The following NLN variants were observed in gnomAD, a reference collection of about 807,000 sequenced individuals.
NLN encodes neurolysin, mitochondrial.
Under a neutral mutation model 79.9 loss-of-function variants are expected in NLN, and 64 were observed. That is an observed-to-expected ratio of 0.80 (90% CI 0.65 to 0.99). The LOEUF is 0.99. Among genes scored for constraint, NLN ranks in the 50% least tolerant of loss-of-function variants. NLN has a pLI of 0.00. For missense variants in NLN, 835 were observed against 858.7 expected (o/e 0.97, Z 0.34); for synonymous variants, 267 against 296.6 (o/e 0.90, Z 1.02).
At chr5:65,793,312 A>G (rs1369851623) in intron 9 of NLN, 1 of 157,328 alleles carries the variant, frequency 6.4e-6, no homozygotes, top group East Asian at 1.9e-4. Context: ...TTATTAACAT[A>G]TGAAAATGTC....
chr5:65,739,012 T>A lies in NLN; in HGVS notation c.41+16598T>A, dbSNP rs1357555111. On this transcript the variant is annotated intron_variant, in intron 1 of 12. Coordinates refer to ENST00000380985, the MANE Select transcript of NLN (RefSeq NM_020726.5). ...TTTATATATATTTTATAATATATAT[T>A]TATATATATAAATATATAATATATA... 1.9e-4 allele frequency among the ~76,000 whole-genome samples: 22 copies of A among 116,160 alleles called. No homozygotes were observed. The South Asian group carries it at 2.0e-3, about 10-fold the overall frequency. The allele number at this position is 116,160 out of a possible 152,430, so 76.2% of individuals were successfully genotyped here.
intron 9 of NLN, 50 bp from the exon 10 acceptor site, chr5:65,809,465 A>G (rs769998302): frequency 4.8e-6 from 7 of 1,453,818 alleles, no homozygotes; most frequent in Admixed American, 2.1e-5. Flanking sequence ...TTCATTGCAT[A>G]TGTACTTTCA....
intron 12 of NLN, among the ~76,000 whole-genome samples, chr5:65,815,378 T>C (rs945617176): frequency 1.3e-5 from 2 of 152,212 alleles, no homozygotes; most frequent in Admixed American, 6.5e-5. Flanking sequence ...CAGGCAGCCA[T>C]ACTACTCTTA....
At chr5:65,778,024 A>C (rs1326134157) in intron 4 of NLN, among the ~76,000 whole-genome samples, 1 of 152,120 alleles carries the variant, frequency 6.6e-6, no homozygotes, top group Non-Finnish European at 1.5e-5. Flanking sequence ...CCTGTTTTAC[A>C]TTCTTTAAGA....
At chr5:65,782,466 C>A (rs946011750) in intron 6 of NLN, among the ~76,000 whole-genome samples, 2 of 152,190 alleles carry the variant, frequency 1.3e-5, no homozygotes, top group Non-Finnish European at 2.9e-5. Context: ...GGTCATAGTT[C>A]TTAAACTTGC....
At chr5:65,771,584 C>A (rs1759566644) in intron 3 of NLN, among the ~76,000 whole-genome samples, 1 of 152,008 alleles carries the variant, frequency 6.6e-6, no homozygotes, top group African/African-American at 2.4e-5. Flanking sequence ...TTCATCTTAG[C>A]CAATTAGTGA....
At chr5:65,810,474 T>C (rs1760520146) in intron 11 of NLN, among the ~76,000 whole-genome samples, 1 of 152,216 alleles carries the variant, frequency 6.6e-6, no homozygotes, top group African/African-American at 2.4e-5. Flanking sequence ...CCTGTATGCA[T>C]CATGACTTCC....
chr5:65,747,908 G>A (rs1759019277), intron 1 of NLN, among the ~76,000 whole-genome samples: 1 of 152,108 alleles, frequency 6.6e-6, no homozygotes. Flanking sequence ...GCCTGCCAAA[G>A]TACAGCAGTC....
chr5:65,740,597 A>T (rs967404732), intron 1 of NLN, among the ~76,000 whole-genome samples: 1 of 151,950 alleles, frequency 6.6e-6, no homozygotes, highest in African/African-American at 2.4e-5. Context: ...TGTATATGGG[A>T]TGAGATGAGG....
intron 9 of NLN, among the ~76,000 whole-genome samples, chr5:65,807,580 A>G (rs1344708962): frequency 1.3e-5 from 2 of 151,938 alleles, no homozygotes; most frequent in African/African-American, 4.8e-5. Context: ...AGCTGGGATT[A>G]CAGGTGCCCG....
intron 11 of NLN, 34 bp downstream of exon 11, chr5:65,810,199 T>C (rs1379582444): frequency 6.2e-7 from 1 of 1,602,210 alleles, no homozygotes; most frequent in East Asian, 2.2e-5. Context: ...TTCATTTCTC[T>C]GTGAAGCACA....
chr5:65,750,360 G>A (rs1204067083), intron 1 of NLN, among the ~76,000 whole-genome samples: 2 of 152,292 alleles, frequency 1.3e-5, no homozygotes, highest in East Asian at 3.9e-4. Flanking sequence ...GACTGCACAG[G>A]TCTAGTGGAT....
At chr5:65,742,737 G>A (rs2561225) in intron 1 of NLN, among the ~76,000 whole-genome samples, 36,646 of 152,030 alleles carry the variant, frequency 0.24, 4,517 homozygotes, top group African/African-American at 0.27. Context: ...AAGAGCAGTC[G>A]AATTGTAGCA....
intron 1 of NLN, among the ~76,000 whole-genome samples, chr5:65,734,556 A>G (rs1165027050): frequency 6.7e-6 from 1 of 149,852 alleles, no homozygotes; most frequent in Non-Finnish European, 1.5e-5. Flanking sequence ...AAAAAAAAAG[A>G]AAGACTCTGC....
intron 9 of NLN, among the ~76,000 whole-genome samples, chr5:65,805,190 T>C (rs1288295747): frequency 1.3e-5 from 2 of 152,186 alleles, no homozygotes; most frequent in Admixed American, 1.3e-4. Flanking sequence ...TCTTTTGGCC[T>C]CCTATCTGAG....
At position 65,733,198 on chromosome 5, in the gene NLN, A is replaced by G; in HGVS notation, c.41+10784A>G. The G allele has an allele frequency of 2.0e-6, 3 of 1,511,342 alleles. No individual in the cohort carries two copies. The South Asian group carries it at 3.4e-5, about 17-fold the overall frequency. The allele number at this position is 1,511,342 out of a possible 1,614,324, so 93.6% of individuals were successfully genotyped here. ...TAGTAACCAAGCCTCAGTCAGCTAA[A>G]GGAGCTGCATCTGATTCATATCCTA... On this transcript the variant is annotated intron_variant, in intron 1 of 12. Transcript: ENST00000380985.
rs182171504 is a variant in NLN, at chr5:65,780,444, A to G, written c.661+163A>G. On this transcript the variant is annotated intron_variant, in intron 5 of 12. Coordinates refer to ENST00000380985, the MANE Select transcript of NLN (RefSeq NM_020726.5). Reference sequence around the variant, plus strand: ...GTCCACCACCCCTTCTACAGAAGAGACAATCAAACCAACCAAAATTAGATT... The same window carrying G: ...GTCCACCACCCCTTCTACAGAAGAGGCAATCAAACCAACCAAAATTAGATT... 3.4e-3 allele frequency among the ~76,000 whole-genome samples: 514 copies of G among 152,320 alleles called. 4 individuals are homozygous for G. The highest frequency in any genetic ancestry group is 0.011 in the African/African-American group (473 of 41,578).
At chr5:65,819,147 A>G (rs1474129061) in intron 12 of NLN, among the ~76,000 whole-genome samples, 3 of 152,100 alleles carry the variant, frequency 2.0e-5, no homozygotes, top group Admixed American at 1.3e-4. Context: ...CTTTAGCTTT[A>G]TTAGGAGATA....
chr5:65,800,465 G>T (rs1044954583), intron 9 of NLN, among the ~76,000 whole-genome samples: 5 of 152,188 alleles, frequency 3.3e-5, no homozygotes, highest in Admixed American at 2.0e-4. Context: ...CACGAGGTCA[G>T]GAGATCGAGA....
Sources: gnomAD v4.1 joint callset for allele counts (sites outside exome capture counted in the v4.1 genomes callset) on GRCh38, gnomAD v4.1.1 for gene constraint, MANE v1.5 for transcripts, NCBI Gene and HGNC (gene_info 2026-07-23, HGNC 2026-07-21) for gene names.